Variants in CDH6 observed in about 807,000 individuals in gnomAD.
The protein encoded by CDH6 is cadherin 6, also known as cadherin-6.
A neutral mutation model predicts 78.0 loss-of-function variants in CDH6; 31 were observed. The observed-to-expected ratio is 0.40, with a 90% CI of 0.30 to 0.54. The LOEUF (loss-of-function observed/expected upper bound fraction) is 0.54. Ranked by LOEUF, CDH6 falls within the 20% of genes least tolerant of loss-of-function variation. The pLI is 0.56. For missense variants in CDH6, 724 were observed against 975.9 expected (o/e 0.74, Z 3.44); for synonymous variants, 376 against 368.8 (o/e 1.02, Z -0.23).
At chr5:31,320,350 T>G (rs1738447076) in intron 11 of CDH6, among the ~76,000 whole-genome samples, 1 of 152,088 alleles carries the variant, frequency 6.6e-6, no homozygotes, top group Admixed American at 6.6e-5. Context: ...TTCTAGACAG[T>G]TGCGCTTTCA....
At chr5:31,203,496 T>C (rs1273645279) in intron 1 of CDH6, among the ~76,000 whole-genome samples, 1 of 138,988 alleles carries the variant, frequency 7.2e-6, no homozygotes, top group Non-Finnish European at 1.5e-5. Context: ...GAATATGCGG[T>C]GTTTGGTTTT....
chr5:31,288,925 C>A (rs1323456654), intron 2 of CDH6, among the ~76,000 whole-genome samples: 1 of 152,160 alleles, frequency 6.6e-6, no homozygotes, highest in African/African-American at 2.4e-5. Context: ...TGTGTGTCAT[C>A]TAGGTAAGCT....
intron 2 of CDH6, among the ~76,000 whole-genome samples, chr5:31,280,725 T>G (rs1242536082): frequency 6.6e-6 from 1 of 152,098 alleles, no homozygotes; most frequent in Non-Finnish European, 1.5e-5. Context: ...TCTTTGCTAA[T>G]GTTTCAGTTG....
chr5:31,209,744 C>T (rs748736742), intron 1 of CDH6, among the ~76,000 whole-genome samples: 18 of 152,128 alleles, frequency 1.2e-4, no homozygotes, highest in African/African-American at 3.6e-4. Flanking sequence ...AGGCTGCAAT[C>T]GATCTGTTAG....
chr5:31,312,843 C>T (rs1264796228), intron 7 of CDH6, among the ~76,000 whole-genome samples: 1 of 152,102 alleles, frequency 6.6e-6, no homozygotes, highest in Non-Finnish European at 1.5e-5. Flanking sequence ...TTCTGCCTCA[C>T]TAACCTTGGC....
At chr5:31,272,910 T>C (rs1486942312) in intron 2 of CDH6, among the ~76,000 whole-genome samples, 1 of 152,200 alleles carries the variant, frequency 6.6e-6, no homozygotes, top group Non-Finnish European at 1.5e-5. Context: ...TAGGCTGTAT[T>C]TTTTTAAAAA....
chr5:31,223,582 A>C (rs1461439358), intron 1 of CDH6, among the ~76,000 whole-genome samples: 1 of 152,178 alleles, frequency 6.6e-6, no homozygotes, highest in East Asian at 1.9e-4. Context: ...TTCATTCTTA[A>C]AAAACTAATT....
intron 1 of CDH6, among the ~76,000 whole-genome samples, chr5:31,226,558 G>C (rs1198032312): frequency 2.0e-5 from 3 of 152,116 alleles, no homozygotes; most frequent in Non-Finnish European, 4.4e-5. Flanking sequence ...GGAACCCAGG[G>C]CACAGAGAGG....
chr5:31,235,860 T>A (rs900225648), intron 1 of CDH6, among the ~76,000 whole-genome samples: 1 of 152,332 alleles, frequency 6.6e-6, no homozygotes, highest in South Asian at 2.1e-4. Flanking sequence ...ATAATTGTTT[T>A]ACAATTTTTA....
At chr5:31,274,535 A>C (rs1032110929) in intron 2 of CDH6, among the ~76,000 whole-genome samples, 2 of 152,322 alleles carry the variant, frequency 1.3e-5, no homozygotes, top group African/African-American at 2.4e-5. Flanking sequence ...AAAGGGAGGG[A>C]TCGAGCTGGG....
chr5:31,197,336 A>C (rs1267055696), intron 1 of CDH6, among the ~76,000 whole-genome samples: 1 of 152,216 alleles, frequency 6.6e-6, no homozygotes, highest in Non-Finnish European at 1.5e-5. Flanking sequence ...AATGTGTTCC[A>C]AATAAGATAA....
intron 2 of CDH6, among the ~76,000 whole-genome samples, chr5:31,275,365 C>T (rs115802318): frequency 0.024 from 3,586 of 152,226 alleles, 133 homozygotes; most frequent in African/African-American, 0.082. Flanking sequence ...TCCCTCCCCA[C>T]TCTAGTAGTC....
intron 1 of CDH6, among the ~76,000 whole-genome samples, chr5:31,206,039 T>A (rs1033174431): frequency 6.6e-6 from 1 of 152,194 alleles, no homozygotes; most frequent in Non-Finnish European, 1.5e-5. Flanking sequence ...TAAAATTCAA[T>A]CGTGGCACCC....
At chr5:31,213,170 T>C (rs1010484273) in intron 1 of CDH6, among the ~76,000 whole-genome samples, 24 of 152,136 alleles carry the variant, frequency 1.6e-4, no homozygotes, top group Middle Eastern at 3.2e-3. Context: ...GGCTAGATAA[T>C]AGGGATGTTA....
chr5:31,204,955 C>A (rs1389219261), intron 1 of CDH6, among the ~76,000 whole-genome samples: 1 of 152,182 alleles, frequency 6.6e-6, no homozygotes, highest in Non-Finnish European at 1.5e-5. Flanking sequence ...TCAGCCAAGA[C>A]TTTTGGGAAA....
At chr5:31,309,745 T>C (rs1337539007) in intron 7 of CDH6, among the ~76,000 whole-genome samples, 1 of 152,172 alleles carries the variant, frequency 6.6e-6, no homozygotes, top group Non-Finnish European at 1.5e-5. Flanking sequence ...CCGAGAGGCC[T>C]CAGGAAACTT....
chr5:31,229,831 G>C (rs931923237), intron 1 of CDH6, among the ~76,000 whole-genome samples: 1 of 152,116 alleles, frequency 6.6e-6, no homozygotes, highest in Non-Finnish European at 1.5e-5. Flanking sequence ...GCATAATTAC[G>C]GGCTGAGGCT....
chr5:31,288,918 G>A (rs1743079711), intron 2 of CDH6, among the ~76,000 whole-genome samples: 2 of 152,184 alleles, frequency 1.3e-5, no homozygotes, highest in Non-Finnish European at 2.9e-5. Context: ...TTTTCTATGT[G>A]TGTCATCTAG....
intron 1 of CDH6, among the ~76,000 whole-genome samples, chr5:31,258,137 G>A (rs2149928568): frequency 2.0e-5 from 3 of 152,228 alleles, no homozygotes; most frequent in Admixed American, 2.0e-4. Flanking sequence ...TCATTTATAG[G>A]TATATACCCA....
Sources: allele counts gnomAD v4.1 joint callset (sites outside exome capture counted in the v4.1 genomes callset), GRCh38; gene constraint gnomAD v4.1.1; transcripts MANE v1.5; gene names NCBI Gene and HGNC (gene_info 2026-07-23, HGNC 2026-07-21).